Variants in PMFBP1 observed in about 807,000 individuals in gnomAD.
The protein encoded by PMFBP1 is polyamine-modulated factor 1-binding protein 1.
A neutral mutation model predicts 137.8 loss-of-function variants in PMFBP1; 131 were observed. That is an observed-to-expected ratio of 0.95 (90% CI 0.82 to 1.10). The LOEUF (loss-of-function observed/expected upper bound fraction) is 1.10. Ranked by LOEUF, PMFBP1 falls within the 50% of genes least tolerant of loss-of-function variation. The probability of loss-of-function intolerance (pLI) is 0.00; values close to 1 mark genes in which losing one functional copy is unlikely to be tolerated. For synonymous variants in PMFBP1, 490 were observed against 450.4 expected (o/e 1.09, Z -1.11); for missense variants, 1,199 against 1,175.4 (o/e 1.02, Z -0.29).
intron 20 of PMFBP1, 96 bp downstream of exon 20, chr16:72,119,755 C>A: frequency 6.5e-7 from 1 of 1,541,534 alleles, no homozygotes; most frequent in Non-Finnish European, 8.7e-7. Context: ...GACTTGAGGC[C>A]ACAAAAGGCC....
chr16:72,164,607 TGG>T, intron 3 of PMFBP1, 155 bp downstream of exon 3: 2 of 1,186,156 alleles, frequency 1.7e-6, no homozygotes, highest in Non-Finnish European at 2.4e-6. Flanking sequence ...GTATGTGCGT[TGG>T]GGTGTGTGTG....
At chr16:72,121,539 G>T (rs976638313) in intron 19 of PMFBP1, among the ~76,000 whole-genome samples, 5 of 152,360 alleles carry the variant, frequency 3.3e-5, no homozygotes, top group South Asian at 2.1e-4. Context: ...CCAGGTGTTT[G>T]GAGATGCCTG....
chr16:72,205,266 A>G, the PMFBP1 span, among the ~76,000 whole-genome samples: 3 of 152,354 alleles, frequency 2.0e-5, no homozygotes, highest in East Asian at 3.9e-4. Flanking sequence ...AAAGCGCTGA[A>G]GCGTTGGTGT....
At chr16:72,119,790 C>T (rs1298941680) in intron 20 of PMFBP1, 61 bp downstream of exon 20, 1 of 1,584,638 alleles carries the variant, frequency 6.3e-7, no homozygotes, top group East Asian at 2.2e-5. Flanking sequence ...TACTTGAATT[C>T]TCAATCCAGT....
the PMFBP1 span, among the ~76,000 whole-genome samples, chr16:72,220,399 G>GA: frequency 6.6e-6 from 1 of 151,820 alleles, no homozygotes; most frequent in Non-Finnish European, 1.5e-5. Context: ...ATGTTAAATG[G>GA]AAAAAAGGAT....
At chr16:72,153,517 A>C (rs917127546) in intron 4 of PMFBP1, among the ~76,000 whole-genome samples, 2 of 152,120 alleles carry the variant, frequency 1.3e-5, no homozygotes, top group South Asian at 4.2e-4. Flanking sequence ...TTTAGAACCC[A>C]TGGTTTACTG....
chr16:72,167,356 T>C (rs1399874720), intron 2 of PMFBP1, among the ~76,000 whole-genome samples: 1 of 152,108 alleles, frequency 6.6e-6, no homozygotes, highest in African/African-American at 2.4e-5. Context: ...ATTAAAAGGA[T>C]TTCATTATCT....
chr16:72,154,096 T>C, intron 4 of PMFBP1, 115 bp downstream of exon 4: 1 of 1,380,670 alleles, frequency 7.2e-7, no homozygotes, highest in Non-Finnish European at 9.8e-7. Context: ...TTATAAAACC[T>C]GCTCGGGATG....
Position 72,124,913 on chromosome 16 carries a change from G to T in PMFBP1, c.2443C>A (p.Leu815Ile). 6.2e-7 allele frequency: 1 copy of T among 1,614,136 alleles called. No homozygotes were observed. Among genetic ancestry groups the T allele is most frequent in the Non-Finnish European group, 8.5e-7 (1 of 1,179,994 alleles). The change falls in exon 17 of 21, where the codon CTA becomes ATA. Residue 815 changes from leucine to isoleucine, a missense_variant. Physicochemically the swap from Leu to Ile is conservative, Grantham distance 5. Transcript: ENST00000237353. The part of the protein sequence containing the change: ...ELEVHAFDKK[L>I]EEMSCQVLQW... ...AGCACCTGGCAGCTCATCTCCTCTA[G>T]CTTCTTGTCAAAGGCGTGCACCTAC...
At chr16:72,197,017 T>C in the PMFBP1 span, among the ~76,000 whole-genome samples, 3 of 152,212 alleles carry the variant, frequency 2.0e-5, no homozygotes, top group African/African-American at 7.2e-5. Flanking sequence ...GGAACATGCA[T>C]TTTAAACAAG....
upstream of PMFBP1, chr16:72,177,014 A>T (rs1317205530): frequency 6.6e-6 from 1 of 152,208 alleles, no homozygotes; most frequent in Non-Finnish European, 1.5e-5. Flanking sequence ...TGTATGGAGT[A>T]GAAACAGCCA....
intron 3 of PMFBP1, among the ~76,000 whole-genome samples, chr16:72,161,412 TTA>T (rs901886908): frequency 3.9e-5 from 6 of 152,122 alleles, no homozygotes; most frequent in African/African-American, 1.4e-4. Context: ...CTGTTATTTC[TTA>T]TGTCTTCTAC....
chr16:72,119,517 A>T (rs2042344648), intron 20 of PMFBP1, 163 bp from the exon 21 acceptor site: 2 of 1,500,914 alleles, frequency 1.3e-6, no homozygotes, highest in Middle Eastern at 2.4e-4. Context: ...CTGTGGACCC[A>T]GGCTGGGTAG....
At chr16:72,199,208 C>A in the PMFBP1 span, among the ~76,000 whole-genome samples, 1 of 152,166 alleles carries the variant, frequency 6.6e-6, no homozygotes, top group Non-Finnish European at 1.5e-5. Context: ...GAGCATCTTC[C>A]GTGGCTGACA....
the PMFBP1 span, among the ~76,000 whole-genome samples, chr16:72,187,448 C>T: frequency 2.6e-5 from 4 of 152,264 alleles, no homozygotes; most frequent in East Asian, 7.8e-4. Context: ...CCACCCTGTA[C>T]CCTGTAGGGT....
rs1026081667 is a variant in PMFBP1 at position 72,133,402 on chromosome 16, C to T, written c.1204-411G>A. Among the ~76,000 whole-genome samples the T allele has an allele frequency of 2.6e-5, 4 of 152,282 alleles. 1 individual carries two copies. The South Asian group carries it at 8.3e-4, about 32-fold the overall frequency. On this transcript the variant is annotated intron_variant, in intron 9 of 20. Transcript: ENST00000237353. ...CCATGTTGGCCCGGCTGGTCTCAAA[C>T]TCCTGACTTCAAGTAATCCACCTGC...
intron 5 of PMFBP1, 149 bp from the exon 6 acceptor site, chr16:72,140,731 T>C (rs931653821): frequency 1.5e-6 from 1 of 686,910 alleles, no homozygotes; most frequent in Non-Finnish European, 2.4e-6. Context: ...ACAAAAAATA[T>C]TAACTAGTGC....
chr16:72,147,716 G>A (rs1286055413), intron 5 of PMFBP1, among the ~76,000 whole-genome samples: 1 of 152,108 alleles, frequency 6.6e-6, no homozygotes, highest in African/African-American at 2.4e-5. Context: ...CAAAGGATAT[G>A]AACAGACACT....
intron 4 of PMFBP1, among the ~76,000 whole-genome samples, chr16:72,152,597 C>T (rs1376479000): frequency 6.6e-6 from 1 of 152,100 alleles, no homozygotes; most frequent in East Asian, 1.9e-4. Context: ...GTAACCCCAG[C>T]ACTTTGGGAG....
Sources: gnomAD v4.1 joint callset for allele counts (sites outside exome capture counted in the v4.1 genomes callset) on GRCh38, gnomAD v4.1.1 for gene constraint, MANE v1.5 for transcripts, NCBI Gene and HGNC (gene_info 2026-07-23, HGNC 2026-07-21) for gene names.